The following RBFOX1 variants were observed in gnomAD, a reference collection of about 807,000 sequenced individuals.
RBFOX1 encodes the protein RNA binding protein fox-1 homolog 1.
Under a neutral mutation model 57.7 loss-of-function variants are expected in RBFOX1, and 8 were observed. The observed-to-expected ratio is 0.14, with a 90% CI of 0.08 to 0.25. The LOEUF (loss-of-function observed/expected upper bound fraction) is 0.25, where lower values mean the gene tolerates loss of function less well. RBFOX1 is among the 10% of genes least tolerant of loss of function. RBFOX1 has a pLI of 1.00. For missense variants in RBFOX1, 611 were observed against 548.5 expected, an observed-to-expected ratio of 1.11 and a Z score of -1.14; for synonymous variants, 326 against 222.4, an observed-to-expected ratio of 1.47 and a Z score of -4.15.
intron 1 of RBFOX1, among the ~76,000 whole-genome samples, chr16:6,082,720 C>T (rs1229654235): frequency 2.0e-5 from 3 of 152,054 alleles, no homozygotes; most frequent in African/African-American, 7.2e-5. Flanking sequence ...TCTCTGAGCA[C>T]ACAGAGAATG....
intron 2 of RBFOX1, among the ~76,000 whole-genome samples, chr16:6,581,552 G>A (rs903022864): frequency 2.0e-5 from 3 of 152,180 alleles, no homozygotes; most frequent in Non-Finnish European, 4.4e-5. Flanking sequence ...AGTGCCAACA[G>A]GGGATGGCCC....
intron 3 of RBFOX1, among the ~76,000 whole-genome samples, chr16:6,991,403 G>A (rs1004602646): frequency 2.6e-5 from 4 of 152,268 alleles, no homozygotes; most frequent in African/African-American, 9.6e-5. Flanking sequence ...GCAACATTCC[G>A]TTTGGGCCTC....
intron 14 of RBFOX1, among the ~76,000 whole-genome samples, chr16:7,707,525 CAAAG>C (rs2082869671): frequency 6.6e-6 from 1 of 152,068 alleles, no homozygotes; most frequent in African/African-American, 2.4e-5. Context: ...AGGAAATGGT[CAAAG>C]AATCAAAAAA....
At chr16:6,979,829 T>C (rs1044838841) in intron 3 of RBFOX1, among the ~76,000 whole-genome samples, 2 of 152,164 alleles carry the variant, frequency 1.3e-5, no homozygotes, top group Non-Finnish European at 2.9e-5. Flanking sequence ...CCAGATGCAC[T>C]CAGGCTGGTG....
At chr16:7,327,751 G>A (rs574897534) in intron 4 of RBFOX1, among the ~76,000 whole-genome samples, 2 of 152,224 alleles carry the variant, frequency 1.3e-5, no homozygotes, top group African/African-American at 2.4e-5. Context: ...AGATCTTCCA[G>A]TGTTTCAAGA....
At chr16:7,159,717 C>T (rs1241620509) in intron 4 of RBFOX1, among the ~76,000 whole-genome samples, 1 of 152,156 alleles carries the variant, frequency 6.6e-6, no homozygotes, top group Admixed American at 6.5e-5. Flanking sequence ...GCTGGCTAGT[C>T]TGTTGGATAG....
rs573977078 is a variant in RBFOX1 at position 7,006,687 on chromosome 16, A to G, written c.-15-45370A>G. On this transcript the variant is annotated intron_variant, in intron 3 of 15. Coordinates refer to ENST00000550418, the MANE Select transcript of RBFOX1 (RefSeq NM_018723.4). ...GATCTTGAACTCCTGGACTCAAGTG[A>G]TCGTCCTTCCTTGGTCTCCCAATGT... 5.3e-5 allele frequency among the ~76,000 whole-genome samples: 8 copies of G among 152,264 alleles called. No homozygotes were observed. In the East Asian group the frequency reaches 1.2e-3, roughly 22 times the overall value.
chr16:5,679,275 A>T (rs2050257644), intron 3 of RBFOX1, among the ~76,000 whole-genome samples: 1 of 152,088 alleles, frequency 6.6e-6, no homozygotes, highest in Non-Finnish European at 1.5e-5. Context: ...AGCACTAAAT[A>T]ATATGCTAAA....
chr16:7,321,457 G>A (rs6500948), intron 4 of RBFOX1, among the ~76,000 whole-genome samples: 133,322 of 152,152 alleles, frequency 0.88, 58,729 homozygotes, highest in East Asian at 0.99. Flanking sequence ...AGAGAAATAT[G>A]TTTTCAAAAA....
chr16:5,988,567 C>T (rs1035316994), intron 4 of RBFOX1, among the ~76,000 whole-genome samples: 2 of 152,148 alleles, frequency 1.3e-5, no homozygotes, highest in Non-Finnish European at 2.9e-5. Flanking sequence ...TTCCTGCCAC[C>T]CTGCTTGGCG....
At chr16:5,789,765 C>T (rs987578703) in intron 3 of RBFOX1, among the ~76,000 whole-genome samples, 2 of 152,176 alleles carry the variant, frequency 1.3e-5, no homozygotes, top group African/African-American at 2.4e-5. Context: ...AGTGTCTAAG[C>T]CAGTGCTCAA....
intron 4 of RBFOX1, among the ~76,000 whole-genome samples, chr16:5,898,964 G>A (rs2152174654): frequency 6.6e-6 from 1 of 151,456 alleles, no homozygotes; most frequent in East Asian, 2.0e-4. Flanking sequence ...GTGGGAGGTT[G>A]AGGTGAGAGG....
intron 4 of RBFOX1, among the ~76,000 whole-genome samples, chr16:7,256,446 T>A (rs1233241484): frequency 6.6e-6 from 1 of 152,220 alleles, no homozygotes; most frequent in East Asian, 1.9e-4. Context: ...CTCAATCTTT[T>A]ATGGCATTAT....
intron 4 of RBFOX1, among the ~76,000 whole-genome samples, chr16:7,235,692 G>C (rs1215973808): frequency 6.6e-6 from 1 of 152,164 alleles, no homozygotes; most frequent in African/African-American, 2.4e-5. Context: ...CCTCTTTGAG[G>C]GTTGGAGAGA....
At position 7,086,110 on chromosome 16, in the gene RBFOX1, C is replaced by G. The variant is rs138405174; in HGVS notation, c.27+34012C>G. Among the ~76,000 whole-genome samples the G allele has an allele frequency of 4.6e-3, 699 of 152,232 alleles. 4 individuals are homozygous for G. Among genetic ancestry groups the G allele is most frequent in the African/African-American group, 0.016 (653 of 41,552 alleles). ...TGGTGATTCTCTCCATCATGCTTAG[C>G]CAGTATGCATCTTGATGGGACTACC... On this transcript the variant is annotated intron_variant, in intron 4 of 15. Transcript: ENST00000550418.
intron 3 of RBFOX1, among the ~76,000 whole-genome samples, chr16:5,716,000 A>T (rs2051684107): frequency 6.6e-6 from 1 of 152,144 alleles, no homozygotes; most frequent in Admixed American, 6.5e-5. Flanking sequence ...TCCCTATTTC[A>T]AAAAAACTCA....
At chr16:5,911,106 C>T (rs571657291) in intron 4 of RBFOX1, among the ~76,000 whole-genome samples, 2 of 152,190 alleles carry the variant, frequency 1.3e-5, no homozygotes, top group Non-Finnish European at 2.9e-5. Context: ...AACTAAGGTA[C>T]TCTGTCATTG....
intron 2 of RBFOX1, among the ~76,000 whole-genome samples, chr16:6,624,345 A>C (rs934398196): frequency 1.3e-5 from 2 of 152,018 alleles, no homozygotes; most frequent in African/African-American, 4.8e-5. Flanking sequence ...TGCCTACTTT[A>C]AATTCTTGAC....
rs527258924 is a variant in RBFOX1, at chr16:6,981,992, T to C, written c.-15-70065T>C. 1.1e-4 allele frequency among the ~76,000 whole-genome samples: 16 copies of C among 152,314 alleles called. No homozygotes were observed. The South Asian group carries it at 2.9e-3, about 28-fold the overall frequency. Reference sequence around the variant, plus strand: ...AAAATACAAATAAGCCTCCAAATAGTGTGTAATACAATTTCTTTGAACCCT... The same window carrying C: ...AAAATACAAATAAGCCTCCAAATAGCGTGTAATACAATTTCTTTGAACCCT... On this transcript the variant is annotated intron_variant, in intron 3 of 15. Transcript: ENST00000550418.
Sources: gnomAD v4.1 joint callset for allele counts (sites outside exome capture counted in the v4.1 genomes callset) on GRCh38, gnomAD v4.1.1 for gene constraint, MANE v1.5 for transcripts, NCBI Gene and HGNC (gene_info 2026-07-23, HGNC 2026-07-21) for gene names.